ZDHHC7: variants seen among roughly 807,000 people sequenced by gnomAD.
The protein encoded by ZDHHC7 is zDHHC palmitoyltransferase 7.
In ZDHHC7, 12 loss-of-function variants were observed where a neutral mutation model predicts 34.1. The observed-to-expected ratio is 0.35, with a 90% CI of 0.23 to 0.57. The LOEUF (loss-of-function observed/expected upper bound fraction) is 0.57, where lower values mean the gene tolerates loss of function less well. ZDHHC7 is among the 20% of genes least tolerant of loss of function. ZDHHC7 has a pLI of 0.84. For synonymous variants in ZDHHC7, 185 were observed against 155.4 expected (o/e 1.19, Z -1.42); for missense variants, 388 against 402.7 (o/e 0.96, Z 0.31).
chr16:84,977,860 G>A (rs1016650517), intron 6 of ZDHHC7, 64 bp downstream of exon 6: 1 of 1,317,346 alleles, frequency 7.6e-7, no homozygotes, highest in Non-Finnish European at 1.1e-6. Flanking sequence ...TTCCTTTAAA[G>A]CTTTCCCCTT....
chr16:85,004,357 G>A (rs534006360), intron 1 of ZDHHC7, among the ~76,000 whole-genome samples: 163 of 152,118 alleles, frequency 1.1e-3, no homozygotes, highest in Non-Finnish European at 1.6e-3. Context: ...CACCTGGGGA[G>A]TGCTTAGATC....
At chr16:84,995,589 G>A (rs1473375527) in intron 2 of ZDHHC7, among the ~76,000 whole-genome samples, 6 of 152,110 alleles carry the variant, frequency 3.9e-5, no homozygotes, top group Admixed American at 3.9e-4. Context: ...TCACGCCATT[G>A]CACTCTAGCC....
the ZDHHC7 span, among the ~76,000 whole-genome samples, chr16:85,026,894 A>T: frequency 2.6e-5 from 4 of 151,992 alleles, no homozygotes; most frequent in Non-Finnish European, 4.4e-5. Flanking sequence ...CAGATTCTCC[A>T]CTTTGCTAGG....
At chr16:85,019,252 C>G in the ZDHHC7 span, among the ~76,000 whole-genome samples, 1 of 152,214 alleles carries the variant, frequency 6.6e-6, no homozygotes, top group Non-Finnish European at 1.5e-5. Flanking sequence ...CACCTGTATC[C>G]TTCACTTACC....
chr16:85,000,594 G>C (rs898861235), intron 1 of ZDHHC7, among the ~76,000 whole-genome samples: 1 of 152,144 alleles, frequency 6.6e-6, no homozygotes, highest in African/African-American at 2.4e-5. Flanking sequence ...ATTTAAACTT[G>C]TCGTTGCTTT....
chr16:85,021,104 TA>T, the ZDHHC7 span, among the ~76,000 whole-genome samples: 8 of 140,414 alleles, frequency 5.7e-5, no homozygotes, highest in African/African-American at 1.3e-4. Context: ...GACCCTCTCT[TA>T]AAAAAAAATT....
At chr16:84,981,075 CA>C (rs1265010189) in intron 4 of ZDHHC7, among the ~76,000 whole-genome samples, 1 of 152,206 alleles carries the variant, frequency 6.6e-6, no homozygotes, top group Non-Finnish European at 1.5e-5. Context: ...TCACACAGTA[CA>C]GGGACGTGTG....
upstream of ZDHHC7, among the ~76,000 whole-genome samples, chr16:85,015,188 G>A (rs1047806994): frequency 4.6e-5 from 7 of 150,946 alleles, no homozygotes; most frequent in South Asian, 6.3e-4. Flanking sequence ...CAACCTCCGC[G>A]TCCCAGGTTC....
At chr16:85,004,131 G>A (rs897917185) in intron 1 of ZDHHC7, among the ~76,000 whole-genome samples, 1 of 151,466 alleles carries the variant, frequency 6.6e-6, no homozygotes, top group Admixed American at 6.6e-5. Flanking sequence ...GGTCAAAGCA[G>A]AACCTCCCCC....
intron 1 of ZDHHC7, among the ~76,000 whole-genome samples, chr16:85,009,175 C>T (rs975188991): frequency 1.3e-5 from 2 of 151,978 alleles, no homozygotes; most frequent in African/African-American, 4.8e-5. Context: ...CAAACATTAA[C>T]TTTCTACATG....
the ZDHHC7 span, among the ~76,000 whole-genome samples, chr16:85,024,053 G>A: frequency 1.3e-5 from 2 of 152,148 alleles, no homozygotes; most frequent in African/African-American, 4.8e-5. Flanking sequence ...AAGTAGCTGA[G>A]ATTTCAGGCA....
intron 3 of ZDHHC7, among the ~76,000 whole-genome samples, chr16:84,989,645 A>G (rs2072481729): frequency 6.8e-6 from 1 of 147,810 alleles, no homozygotes; most frequent in Non-Finnish European, 1.5e-5. Context: ...CAGTGAGCCA[A>G]GATCGCACAT....
intron 5 of ZDHHC7, 93 bp from the exon 6 acceptor site, chr16:84,978,098 C>T (rs557146560): frequency 1.3e-5 from 13 of 996,028 alleles, no homozygotes; most frequent in African/African-American, 5.1e-5. Flanking sequence ...AATGCAGCGG[C>T]GTAGTCTCAG....
chr16:84,981,825 C>G, intron 4 of ZDHHC7, 45 bp downstream of exon 4: 1 of 1,612,738 alleles, frequency 6.2e-7, no homozygotes. Context: ...GCACACGTAC[C>G]CGCAGTGGCG....
chr16:84,979,096 G>T, intron 5 of ZDHHC7, 93 bp downstream of exon 5: 2 of 1,252,286 alleles, frequency 1.6e-6, no homozygotes, highest in Non-Finnish European at 2.2e-6. Flanking sequence ...AGAGAAACTG[G>T]CCTGACGTTA....
intron 3 of ZDHHC7, among the ~76,000 whole-genome samples, chr16:84,985,292 C>T (rs538608261): frequency 7.2e-5 from 11 of 152,372 alleles, no homozygotes; most frequent in Non-Finnish European, 1.6e-4. Flanking sequence ...TGTGCCACCT[C>T]GCCCTTCCAG....
In ZDHHC7 at chr16:84,976,269, G is replaced by T; in HGVS notation, c.*74C>A. ...CAGTTGCCCTGTTGGTCACAGATGA[G>T]CTGTTGATATCCTTCAGACCCCAAA... is the stretch of plus-strand genomic sequence containing the variant. On this transcript the variant is annotated 3_prime_UTR_variant, in exon 8 of 8. Coordinates refer to ENST00000313732, the MANE Select transcript of ZDHHC7 (RefSeq NM_017740.3). 1 of 1,570,418 alleles carries T rather than the reference G, an allele frequency of 6.4e-7. No homozygotes were observed. The highest frequency in any genetic ancestry group is 8.7e-7 in the Non-Finnish European group (1 of 1,154,770).
intron 1 of ZDHHC7, among the ~76,000 whole-genome samples, chr16:85,007,409 C>T (rs1282863690): frequency 2.4e-5 from 3 of 123,720 alleles, no homozygotes; most frequent in African/African-American, 1.0e-4. Flanking sequence ...GGCAACAGAG[C>T]GATACTCCAT....
At chr16:85,027,306 G>A in the ZDHHC7 span, among the ~76,000 whole-genome samples, 1 of 152,004 alleles carries the variant, frequency 6.6e-6, no homozygotes, top group Non-Finnish European at 1.5e-5. Context: ...AAGCCTCGCT[G>A]GACTAATTTT....
Sources: allele counts gnomAD v4.1 joint callset (sites outside exome capture counted in the v4.1 genomes callset), GRCh38; gene constraint gnomAD v4.1.1; transcripts MANE v1.5; gene names NCBI Gene and HGNC (gene_info 2026-07-23, HGNC 2026-07-21).